Variants in MAD1L1 observed in about 807,000 individuals in gnomAD.
The protein encoded by MAD1L1 is mitotic arrest deficient 1 like 1, also known as mitotic spindle assembly checkpoint protein MAD1.
MAD1L1 carries 95 observed loss-of-function variants against 96.9 expected under a neutral mutation model. The observed-to-expected ratio is 0.98, with a 90% CI of 0.83 to 1.16. The LOEUF (loss-of-function observed/expected upper bound fraction) is 1.16, where lower values mean the gene tolerates loss of function less well. Ranked by LOEUF, MAD1L1 falls within the 50% of genes most tolerant of loss-of-function variation. The pLI is 0.00. For missense variants in MAD1L1, 1,007 were observed against 954.4 expected, an observed-to-expected ratio of 1.06 and a Z score of -0.73; for synonymous variants, 473 against 396.6, an observed-to-expected ratio of 1.19 and a Z score of -2.29.
chr7:2,058,790 G>A (rs1784498232), intron 12 of MAD1L1, among the ~76,000 whole-genome samples: 5 of 122,304 alleles, frequency 4.1e-5, no homozygotes, highest in East Asian at 2.7e-4. Flanking sequence ...CCAGAGAAGA[G>A]GAGAGGCGCG....
chr7:2,026,386 CTCT>C (rs1430498180), intron 12 of MAD1L1, among the ~76,000 whole-genome samples: 1 of 152,120 alleles, frequency 6.6e-6, no homozygotes, highest in Non-Finnish European at 1.5e-5. Flanking sequence ...TTCAACACAA[CTCT>C]TGCAGGAGCT....
intron 11 of MAD1L1, among the ~76,000 whole-genome samples, chr7:2,129,431 T>C (rs558395631): frequency 1.7e-3 from 265 of 152,294 alleles, no homozygotes; most frequent in Non-Finnish European, 2.7e-3. Context: ...CGGCGGCTCC[T>C]GTCCACACGG....
chr7:2,096,398 CAT>C (rs1469105464), intron 11 of MAD1L1, among the ~76,000 whole-genome samples: 1 of 152,218 alleles, frequency 6.6e-6, no homozygotes, highest in Non-Finnish European at 1.5e-5. Context: ...TCTGGGCACA[CAT>C]GAGCCTGGCC....
chr7:2,011,765 C>CTG (rs1229252336), intron 13 of MAD1L1, among the ~76,000 whole-genome samples: 1 of 152,204 alleles, frequency 6.6e-6, no homozygotes, highest in Admixed American at 6.5e-5. Flanking sequence ...AGCCAGGGGC[C>CTG]TGGAAGACCT....
intron 17 of MAD1L1, among the ~76,000 whole-genome samples, chr7:1,909,171 G>A (rs548351423): frequency 2.0e-5 from 3 of 152,266 alleles, no homozygotes; most frequent in South Asian, 2.1e-4. Context: ...ACATCAGGCC[G>A]AGGTCTGACC....
At chr7:1,997,564 G>A (rs1781611662) in intron 14 of MAD1L1, among the ~76,000 whole-genome samples, 2 of 152,272 alleles carry the variant, frequency 1.3e-5, no homozygotes, top group African/African-American at 2.4e-5. Context: ...AAATGAAAAG[G>A]GAGTCAGGCT....
At chr7:1,941,857 G>C (rs1185287606) in intron 16 of MAD1L1, among the ~76,000 whole-genome samples, 4 of 137,440 alleles carry the variant, frequency 2.9e-5, no homozygotes, top group Admixed American at 2.2e-4. Flanking sequence ...AGGAGGGCGA[G>C]GGAAGTGGGA....
At chr7:2,053,043 G>A (rs997634025) in intron 12 of MAD1L1, among the ~76,000 whole-genome samples, 3 of 152,208 alleles carry the variant, frequency 2.0e-5, no homozygotes, top group Admixed American at 1.3e-4. Flanking sequence ...AGGCCGAGCC[G>A]TCCCTGCCCT....
At chr7:2,135,357 T>G (rs1788700473) in intron 11 of MAD1L1, among the ~76,000 whole-genome samples, 1 of 152,228 alleles carries the variant, frequency 6.6e-6, no homozygotes, top group Admixed American at 6.5e-5. Context: ...TTGTAAAAAG[T>G]AAAAAACAAT....
At chr7:1,835,242 C>G (rs1019661832) in intron 18 of MAD1L1, among the ~76,000 whole-genome samples, 2 of 152,180 alleles carry the variant, frequency 1.3e-5, no homozygotes, top group African/African-American at 4.8e-5. Context: ...ATGCTTCTCC[C>G]TCAGATCTGA....
rs540135122 is a variant in MAD1L1, at chr7:2,183,377, A to G, written c.986+29835T>C. Among the ~76,000 whole-genome samples, 3 of 152,360 alleles carry G rather than the reference A, an allele frequency of 2.0e-5. No homozygotes were observed. The East Asian group carries it at 5.8e-4, about 29-fold the overall frequency. On this transcript the variant is annotated intron_variant, in intron 10 of 18. Transcript: ENST00000265854. ...CAGAATAAAGAACTTGGAAAAATCAATAATAGAAAGAAAGCAAACCAATAC... is the reference window on the plus strand; with the variant it reads ...CAGAATAAAGAACTTGGAAAAATCAGTAATAGAAAGAAAGCAAACCAATAC...
chr7:2,144,116 C>A (rs559967767), intron 11 of MAD1L1, among the ~76,000 whole-genome samples: 21 of 152,338 alleles, frequency 1.4e-4, no homozygotes. Context: ...GCTCTGGAGA[C>A]CCACAGGCCT....
intron 12 of MAD1L1, among the ~76,000 whole-genome samples, chr7:2,043,996 A>G (rs1195106376): frequency 6.6e-6 from 1 of 152,228 alleles, no homozygotes; most frequent in Non-Finnish European, 1.5e-5. Flanking sequence ...GAGCACACGC[A>G]ATGGACGGCG....
intron 14 of MAD1L1, among the ~76,000 whole-genome samples, chr7:1,983,146 GCGCGCGCGCACA>G (rs58416489): frequency 0.38 from 48,849 of 130,112 alleles, 8,375 homozygotes; most frequent in Middle Eastern, 0.52. Context: ...GCGCGCGCGC[GCGCGCGCGCACA>G]CACACACACA....
chr7:2,159,645 A>C (rs1264041728), intron 10 of MAD1L1, among the ~76,000 whole-genome samples: 1 of 152,244 alleles, frequency 6.6e-6, no homozygotes, highest in Non-Finnish European at 1.5e-5. Flanking sequence ...ATGAGCAAAA[A>C]AAATCATATC....
At chr7:2,199,080 T>C (rs1558459) in intron 10 of MAD1L1, among the ~76,000 whole-genome samples, 1,825 of 152,306 alleles carry the variant, frequency 0.012, 23 homozygotes, top group African/African-American at 0.026. Flanking sequence ...GGGGCCTGTA[T>C]GATGCCAGCC....
intron 12 of MAD1L1, among the ~76,000 whole-genome samples, chr7:2,022,281 T>C (rs1782822947): frequency 6.6e-6 from 1 of 152,256 alleles, no homozygotes; most frequent in Admixed American, 6.5e-5. Flanking sequence ...ACCCTGCCTG[T>C]GACCTGGTCA....
chr7:2,043,585 A>G (rs901234481), intron 12 of MAD1L1, among the ~76,000 whole-genome samples: 130 of 152,326 alleles, frequency 8.5e-4, no homozygotes, highest in African/African-American at 3.1e-3. Flanking sequence ...ACGCTGGGTC[A>G]TGACTGTTCT....
At chr7:1,924,924 T>A (rs1789008356) in intron 17 of MAD1L1, among the ~76,000 whole-genome samples, 1 of 151,968 alleles carries the variant, frequency 6.6e-6, no homozygotes, top group Admixed American at 6.6e-5. Context: ...TTGCACATTG[T>A]AAACCACAGA....
Sources: gnomAD v4.1 joint callset for allele counts (sites outside exome capture counted in the v4.1 genomes callset) on GRCh38, gnomAD v4.1.1 for gene constraint, MANE v1.5 for transcripts, NCBI Gene and HGNC (gene_info 2026-07-23, HGNC 2026-07-21) for gene names.